EBF3: variants seen among roughly 807,000 people sequenced by gnomAD.
EBF3 encodes the protein EBF transcription factor 3, also known as transcription factor COE3.
Under a neutral mutation model 77.1 loss-of-function variants are expected in EBF3, and 18 were observed. The ratio of observed to expected loss-of-function variants is 0.23; its 90% CI spans 0.16 to 0.35. The LOEUF (loss-of-function observed/expected upper bound fraction) is 0.35, where lower values mean the gene tolerates loss of function less well. Among genes scored for constraint, EBF3 ranks in the 10% least tolerant of loss-of-function variants. EBF3 has a pLI of 1.00. For missense variants in EBF3, 558 were observed against 860.0 expected (o/e 0.65, Z 4.39); for synonymous variants, 350 against 343.5 (o/e 1.02, Z -0.21).
chr10:129,959,950 G>T (rs1429017550), intron 4 of EBF3, among the ~76,000 whole-genome samples: 1 of 152,176 alleles, frequency 6.6e-6, no homozygotes, highest in Non-Finnish European at 1.5e-5. Flanking sequence ...CTGCGCGCAC[G>T]CTCGGGTGGG....
chr10:129,868,336 G>GT (rs903608796), intron 8 of EBF3, among the ~76,000 whole-genome samples: 2 of 152,156 alleles, frequency 1.3e-5, no homozygotes, highest in Non-Finnish European at 2.9e-5. Context: ...ATTGGGTTGG[G>GT]TTTTTTCATC....
rs549213308 is a variant in EBF3 at position 129,932,791 on chromosome 10, C to T, written c.554+24467G>A. The stretch of plus-strand genomic sequence containing the variant: ...CTGACAGAGCCGGCATGTGACCAGG[C>T]AGGAGGCCGAGCTTCGGAACAATTA... On this transcript the variant is annotated intron_variant, in intron 6 of 16. Transcript: ENST00000440978. Among the ~76,000 whole-genome samples, 137 of 152,220 alleles carry T rather than the reference C, an allele frequency of 9.0e-4. 1 individual carries two copies. The highest frequency in any genetic ancestry group is 3.1e-3 in the African/African-American group (129 of 41,538).
chr10:129,881,805 T>C (rs533784357), intron 6 of EBF3, among the ~76,000 whole-genome samples: 3 of 152,254 alleles, frequency 2.0e-5, no homozygotes, highest in African/African-American at 7.2e-5. Flanking sequence ...ACTCCGGATA[T>C]CTTGAGTTTA....
At chr10:129,887,251 T>G (rs1251819056) in intron 6 of EBF3, among the ~76,000 whole-genome samples, 1 of 152,190 alleles carries the variant, frequency 6.6e-6, no homozygotes, top group African/African-American at 2.4e-5. Context: ...GACAAGCAGC[T>G]TGATCCAGCC....
chr10:129,896,432 C>G (rs1421489317), intron 6 of EBF3, among the ~76,000 whole-genome samples: 1 of 152,236 alleles, frequency 6.6e-6, no homozygotes, highest in Non-Finnish European at 1.5e-5. Context: ...ACGCGGCCAC[C>G]GTCAGCCACC....
At chr10:129,886,033 ATTTTTTTTTT>A (rs59542647) in intron 6 of EBF3, among the ~76,000 whole-genome samples, 38 of 126,284 alleles carry the variant, frequency 3.0e-4, no homozygotes, top group Admixed American at 2.3e-3. Flanking sequence ...TTTGGTTTTA[ATTTTTTTTTT>A]TTTTTTTTTT....
chr10:129,877,854 A>G lies in EBF3; in HGVS notation c.555-5T>C, dbSNP rs911933094. 1.2e-6 allele frequency: 2 copies of G among 1,602,212 alleles called. No individual in the cohort carries two copies. Among genetic ancestry groups the G allele is most frequent in the African/African-American group, 1.3e-5 (1 of 74,622 alleles). On this transcript the variant is annotated splice_region_variant and splice_polypyrimidine_tract_variant and intron_variant, in intron 6 of 16. Coordinates refer to ENST00000440978, the MANE Select transcript of EBF3 (RefSeq NM_001375380.1). ...AGGAAAAACTTTAGAAAGAATCTATAAAAAATACAAAAAGATGATATTTAT... is the reference window on the plus strand; with the variant it reads ...AGGAAAAACTTTAGAAAGAATCTATGAAAAATACAAAAAGATGATATTTAT...
chr10:129,892,454 C>T (rs1328573219), intron 6 of EBF3, among the ~76,000 whole-genome samples: 2 of 152,178 alleles, frequency 1.3e-5, no homozygotes, highest in Admixed American at 6.5e-5. Flanking sequence ...TTTGGTGCCA[C>T]GGATGCCGGA....
chr10:129,873,457 T>TCCAGATAAGAAGGGGCCGTACCTTCTGAC lies in EBF3; in HGVS notation c.747_775dup (p.Glu259GlyfsTer35). 1 of 1,530,550 alleles carries TCCAGATAAGAAGGGGCCGTACCTTCTGAC rather than the reference T, an allele frequency of 6.5e-7. No individual in the cohort carries two copies. The highest frequency in any genetic ancestry group is 8.8e-7 in the Non-Finnish European group (1 of 1,137,574). The allele number at this position is 1,530,550 out of a possible 1,614,324, so 94.8% of individuals were successfully genotyped here. A position where few individuals can be genotyped will look rare whatever the true frequency, so the allele number is the denominator to read the frequency against. On this transcript the variant is annotated frameshift_variant, in exon 8 of 17. Coordinates refer to ENST00000440978, the MANE Select transcript of EBF3 (RefSeq NM_001375380.1). LOFTEE classifies it high-confidence loss of function. Reference sequence around the variant, plus strand: ...GACATGTAACATGTGCCTACCATTTTCCAGATAAGAAGGGGCCGTACCTTC... The same window carrying TCCAGATAAGAAGGGGCCGTACCTTCTGAC: ...GACATGTAACATGTGCCTACCATTTTCCAGATAAGAAGGGGCCGTACCTTCTGACCCAGATAAGAAGGGGCCGTACCTTC...
chr10:129,930,765 A>G (rs968957702), intron 6 of EBF3, among the ~76,000 whole-genome samples: 3 of 141,056 alleles, frequency 2.1e-5, no homozygotes, highest in African/African-American at 8.0e-5. Flanking sequence ...TCCCCCTCTC[A>G]TATACCTATA....
chr10:129,916,068 A>T (rs975747958), intron 6 of EBF3, among the ~76,000 whole-genome samples: 11 of 152,226 alleles, frequency 7.2e-5, no homozygotes, highest in African/African-American at 2.7e-4. Flanking sequence ...CCGAGGGGGA[A>T]GGAGAGGGCC....
In EBF3 at chr10:129,873,578, C is replaced by T; in HGVS notation, c.655G>A (p.Val219Ile). The T allele has an allele frequency of 3.9e-6, 6 of 1,556,968 alleles. No individual in the cohort carries two copies. Among genetic ancestry groups the T allele is most frequent in the Non-Finnish European group, 5.2e-6 (6 of 1,150,202 alleles). The stretch of plus-strand genomic sequence containing the variant: ...GCCAGCACGTGGCCGTCCACGTTGA[C>T]TGTTGTCGATACAACAACCTGCAAA... ...RRFQVVVSTT[V>I]NVDGHVLAVS... Residue 219 changes from valine to isoleucine, a missense_variant, in exon 8 of 17, where the codon GTC (valine) becomes ATC (isoleucine). Physicochemically the swap from Val to Ile is conservative, Grantham distance 29. This residue lies in a region of EBF3 where 112 missense variants were observed against 207.7 expected (regional missense o/e 0.54). Transcript: ENST00000440978.
At chr10:129,925,089 T>C (rs78527958) in intron 6 of EBF3, among the ~76,000 whole-genome samples, 9 of 10,064 alleles carry the variant, frequency 8.9e-4, no homozygotes, top group South Asian at 2.3e-3. Flanking sequence ...TGCACGCGTG[T>C]GTGTGTGTGT....
At chr10:129,843,075 C>T (rs890438139) in intron 12 of EBF3, 62 bp downstream of exon 12, 14 of 1,542,948 alleles carry the variant, frequency 9.1e-6, no homozygotes, top group East Asian at 7.0e-5. Context: ...GGAGCCACGC[C>T]GGCTGCCCAC....
intron 6 of EBF3, among the ~76,000 whole-genome samples, chr10:129,954,417 C>G (rs1405266002): frequency 6.8e-6 from 1 of 148,002 alleles, no homozygotes; most frequent in Admixed American, 6.6e-5. Flanking sequence ...TCACTTCCCC[C>G]CCCCCTTTTT....
intron 6 of EBF3, among the ~76,000 whole-genome samples, chr10:129,917,678 A>AAAAAAT (rs1338490370): frequency 6.7e-6 from 1 of 150,210 alleles, no homozygotes; most frequent in Non-Finnish European, 1.5e-5. Flanking sequence ...AAAAAAAAAA[A>AAAAAAT]ACTAAAACCA....
rs183686756 is a variant in EBF3 at position 129,912,908 on chromosome 10, G to T, written c.555-35059C>A. Among the ~76,000 whole-genome samples, 260 of 152,348 alleles carry T rather than the reference G, an allele frequency of 1.7e-3. 2 individuals carry two copies. Among genetic ancestry groups the T allele is most frequent in the Middle Eastern group, 3.4e-3 (1 of 294 alleles). On this transcript the variant is annotated intron_variant, in intron 6 of 16. Transcript: ENST00000440978. ...CGTTTCATTACAAGAAAGCAGTACT[G>T]AGTGACATTTGAAACACATCTAAGT...
chr10:129,889,077 C>T (rs1224848912), intron 6 of EBF3, among the ~76,000 whole-genome samples: 76 of 152,208 alleles, frequency 5.0e-4, no homozygotes, highest in Non-Finnish European at 1.3e-4. Flanking sequence ...AAGGAACCAG[C>T]AGCTGTCCAC....
chr10:129,906,398 A>G (rs1422225882), intron 6 of EBF3, among the ~76,000 whole-genome samples: 1 of 152,216 alleles, frequency 6.6e-6, no homozygotes, highest in Non-Finnish European at 1.5e-5. Flanking sequence ...AGATCCCATT[A>G]AACTGCTGCA....
Sources: allele counts gnomAD v4.1 joint callset (sites outside exome capture counted in the v4.1 genomes callset), GRCh38; gene constraint gnomAD v4.1.1; regional missense constraint gnomAD v4.1.1; transcripts MANE v1.5; gene names NCBI Gene and HGNC (gene_info 2026-07-23, HGNC 2026-07-21).